The following SLC35A3 variants were observed in gnomAD, a reference collection of about 807,000 sequenced individuals.
The protein encoded by SLC35A3 is UDP-N-acetylglucosamine transporter.
Under a neutral mutation model 39.0 loss-of-function variants are expected in SLC35A3, and 26 were observed. That is an observed-to-expected ratio of 0.67 (90% CI 0.49 to 0.92). SLC35A3 has a LOEUF of 0.92. Ranked by LOEUF, SLC35A3 falls within the 40% of genes least tolerant of loss-of-function variation. The pLI is 0.00. For synonymous variants in SLC35A3, 135 were observed against 133.1 expected (o/e 1.01, Z -0.10); for missense variants, 299 against 371.6 (o/e 0.80, Z 1.61).
At chr1:100,014,837 A>G (rs1659950712) in intron 5 of SLC35A3, among the ~76,000 whole-genome samples, 2 of 152,132 alleles carry the variant, frequency 1.3e-5, no homozygotes, top group African/African-American at 2.4e-5. Context: ...TTTGTTAAGT[A>G]TACAAAACCA....
chr1:100,030,388 C>T lies in SLC35A3; in HGVS notation c.*7912C>T, dbSNP rs1302992673. ...TAAAATATACTTTAAGCTTGTCCAA[C>T]GCGCGGCCTGCAGGCTGCATGCAGC... On this transcript the variant is annotated 3_prime_UTR_variant, in exon 8 of 8. Coordinates refer to ENST00000533028, the MANE Select transcript of SLC35A3 (RefSeq NM_012243.3). 4 of 152,336 alleles carry T rather than the reference C, an allele frequency of 2.6e-5. No individual in the cohort carries two copies. Among genetic ancestry groups the T allele is most frequent in the South Asian group, 4.1e-4 (2 of 4,830 alleles). 9.4% of individuals were successfully genotyped at this position (152,336 alleles called of 1,614,324 possible). A position where few individuals can be genotyped will look rare whatever the true frequency, so the allele number is the denominator to read the frequency against.
At chr1:99,979,497 G>A (rs1252230124) in intron 1 of SLC35A3, among the ~76,000 whole-genome samples, 1 of 148,600 alleles carries the variant, frequency 6.7e-6, no homozygotes, top group East Asian at 2.0e-4. Context: ...GCAGTGGCGT[G>A]ATCTCGGCTC....
chr1:100,022,379 T>C lies in SLC35A3; in HGVS notation c.888-7T>C. On this transcript the variant is annotated splice_polypyrimidine_tract_variant and splice_region_variant and intron_variant, in intron 7 of 7. Coordinates refer to ENST00000533028, the MANE Select transcript of SLC35A3 (RefSeq NM_012243.3). The stretch of plus-strand genomic sequence containing the variant: ...TCTCTTTTTTATTTTGTCTTCATCT[T>C]ATTCAGTGTCTTTTTCCTTGGAGCC... The C allele has an allele frequency of 1.4e-6, 2 of 1,470,196 alleles. No individual in the cohort carries two copies. The highest frequency in any genetic ancestry group is 9.5e-7 in the Non-Finnish European group (1 of 1,054,886). The allele number at this position is 1,470,196 out of a possible 1,614,324, so 91.1% of individuals were successfully genotyped here.
At chr1:99,998,762 T>A (rs1658567072) in intron 2 of SLC35A3, among the ~76,000 whole-genome samples, 1 of 152,234 alleles carries the variant, frequency 6.6e-6, no homozygotes, top group Admixed American at 6.5e-5. Flanking sequence ...CACAAATCCC[T>A]ATGGGTTGAA....
rs1661088826 is a variant in SLC35A3 at position 100,029,198 on chromosome 1, C to T, written c.*6722C>T. On this transcript the variant is annotated 3_prime_UTR_variant, in exon 8 of 8. Coordinates refer to ENST00000533028, the MANE Select transcript of SLC35A3 (RefSeq NM_012243.3). ...CTGGTTGACATCAAGACTTCAGGGC[C>T]TCACCATAGGTTATCTCGTTAGCAT... The T allele has an allele frequency of 6.6e-6, 1 of 152,142 alleles. No individual in the cohort carries two copies. The allele number at this position is 152,142 out of a possible 1,614,324, so 9.4% of individuals were successfully genotyped here. A position where few individuals can be genotyped will look rare whatever the true frequency, so the allele number is the denominator to read the frequency against.
intron 3 of SLC35A3, among the ~76,000 whole-genome samples, chr1:100,006,762 A>T (rs1216807961): frequency 6.6e-6 from 1 of 152,140 alleles, no homozygotes; most frequent in Non-Finnish European, 1.5e-5. Flanking sequence ...GTGGCTGTGG[A>T]GATAATTTTG....
Position 100,032,992 on chromosome 1 carries a change from G to T in SLC35A3, c.*10516G>T, listed in dbSNP as rs1431116108. 1.3e-5 allele frequency: 2 copies of T among 152,164 alleles called. No homozygotes were observed. The highest frequency in any genetic ancestry group is 1.3e-4 in the Admixed American group (2 of 15,276). The allele number at this position is 152,164 out of a possible 1,614,324, so 9.4% of individuals were successfully genotyped here. The stretch of plus-strand genomic sequence containing the variant: ...CAAGGAGCCCTATACCTTTTAAGGG[G>T]AGTGGGATTTATTTAATTTTTTCTT... On this transcript the variant is annotated 3_prime_UTR_variant, in exon 8 of 8. Coordinates refer to ENST00000533028, the MANE Select transcript of SLC35A3 (RefSeq NM_012243.3).
Position 100,028,923 on chromosome 1 carries a change from A to G in SLC35A3, c.*6447A>G, listed in dbSNP as rs889451732. ...AAACCAGCCAAAGGAAGTGACACAT[A>G]AAACAGAGTCTAGGAGTGGTCCAAA... On this transcript the variant is annotated 3_prime_UTR_variant, in exon 8 of 8. Transcript: ENST00000533028. 1 of 152,290 alleles carries G rather than the reference A, an allele frequency of 6.6e-6. No individual in the cohort carries two copies. The highest frequency in any genetic ancestry group is 1.5e-5 in the Non-Finnish European group (1 of 68,084). 9.4% of individuals were successfully genotyped at this position (152,290 alleles called of 1,614,324 possible).
Position 99,999,288 on chromosome 1 carries a change from T to C in SLC35A3, c.215T>C (p.Val72Ala), listed in dbSNP as rs748026085. Reference protein sequence around the residue: ...SKCSLRALNRVLHDEILNKPM... With the variant: ...SKCSLRALNRALHDEILNKPM... ...TGTAGTCTAAGAGCACTGAATCGAG[T>C]ACTACATGATGAAATTCTTAATAAA... Residue 72 changes from valine to alanine, a missense_variant, in exon 3 of 8, where the codon GTA (valine) becomes GCA (alanine). Physicochemically the swap from Val to Ala is moderately conservative, Grantham distance 64. Transcript: ENST00000533028. The C allele has an allele frequency of 1.9e-6, 3 of 1,582,190 alleles. No homozygotes were observed. In the South Asian group the frequency reaches 3.5e-5, roughly 18 times the overall value.
At chr1:99,974,014 C>CAAAAAAAA (rs1251803858) in intron 1 of SLC35A3, among the ~76,000 whole-genome samples, 1 of 68,164 alleles carries the variant, frequency 1.5e-5, no homozygotes, top group Non-Finnish European at 3.4e-5. Flanking sequence ...GACTCCATCT[C>CAAAAAAAA]AAAAAAAAAA....
At chr1:99,984,750 T>C (rs1005875793) in intron 1 of SLC35A3, among the ~76,000 whole-genome samples, 9 of 152,226 alleles carry the variant, frequency 5.9e-5, no homozygotes, top group Non-Finnish European at 1.0e-4. Flanking sequence ...CATCTATTTT[T>C]ATTTTTATTT....
intron 5 of SLC35A3, among the ~76,000 whole-genome samples, chr1:100,012,305 A>G (rs1380097455): frequency 6.6e-6 from 1 of 152,144 alleles, no homozygotes; most frequent in African/African-American, 2.4e-5. Context: ...ATATCAGAGA[A>G]AAAGAAAGAA....
rs1212559930 is a variant in SLC35A3 at position 100,028,675 on chromosome 1, A to G, written c.*6199A>G. On this transcript the variant is annotated 3_prime_UTR_variant, in exon 8 of 8. Coordinates refer to ENST00000533028, the MANE Select transcript of SLC35A3 (RefSeq NM_012243.3). ...CTTAAAAAGAGAATTCCTTTAAGGC[A>G]GGACCGATTACATATACACTCTAGA... The G allele has an allele frequency of 6.6e-6, 1 of 152,216 alleles. No homozygotes were observed. The highest frequency in any genetic ancestry group is 1.5e-5 in the Non-Finnish European group (1 of 68,042). 9.4% of individuals were successfully genotyped at this position (152,216 alleles called of 1,614,324 possible).
intron 1 of SLC35A3, among the ~76,000 whole-genome samples, chr1:99,983,981 G>T (rs912307561): frequency 3.3e-5 from 5 of 152,048 alleles, no homozygotes; most frequent in African/African-American, 1.2e-4. Flanking sequence ...ATAGCTAGAA[G>T]AATTGTAATG....
intron 7 of SLC35A3, among the ~76,000 whole-genome samples, chr1:100,018,253 A>G (rs1395989620): frequency 6.6e-6 from 1 of 152,236 alleles, no homozygotes; most frequent in Non-Finnish European, 1.5e-5. Context: ...AGGAGGAGTT[A>G]TAGGTGAGGA....
Position 100,027,087 on chromosome 1 carries a change from T to TG in SLC35A3, c.*4613dup, listed in dbSNP as rs773116356. 2.5e-4 allele frequency: 98 copies of TG among 398,442 alleles called. No homozygotes were observed. Among genetic ancestry groups the TG allele is most frequent in the Middle Eastern group, 1.3e-3 (2 of 1,588 alleles). The allele number at this position is 398,442 out of a possible 1,614,324, so 24.7% of individuals were successfully genotyped here. On this transcript the variant is annotated 3_prime_UTR_variant, in exon 8 of 8. Transcript: ENST00000533028. Reference sequence around the variant, plus strand: ...AAAATGAATTACTGATCTTTTTCTCTGGCTCTGTAGTATCTCTATCACTGT... The same window carrying TG: ...AAAATGAATTACTGATCTTTTTCTCTGGGCTCTGTAGTATCTCTATCACTGT...
intron 1 of SLC35A3, among the ~76,000 whole-genome samples, chr1:99,978,370 T>A (rs900610706): frequency 3.2e-4 from 48 of 151,924 alleles, no homozygotes; most frequent in Non-Finnish European, 5.7e-4. Context: ...AAAAAAAATT[T>A]AAAAAATTTA....
chr1:100,021,360 T>C (rs1660526711), intron 7 of SLC35A3, among the ~76,000 whole-genome samples: 1 of 151,698 alleles, frequency 6.6e-6, no homozygotes, highest in Non-Finnish European at 1.5e-5. Flanking sequence ...TGAGACTCCA[T>C]CTCAAAAAAA....
At chr1:100,020,901 A>T (rs889667969) in intron 7 of SLC35A3, among the ~76,000 whole-genome samples, 7 of 152,112 alleles carry the variant, frequency 4.6e-5, no homozygotes, top group Non-Finnish European at 2.9e-5. Flanking sequence ...TGAATTATAG[A>T]TTGGGTGGCA....
Sources: gnomAD v4.1 joint callset for allele counts (sites outside exome capture counted in the v4.1 genomes callset) on GRCh38, gnomAD v4.1.1 for gene constraint, MANE v1.5 for transcripts, NCBI Gene and HGNC (gene_info 2026-07-23, HGNC 2026-07-21) for gene names.